Variants in AGT observed in about 807,000 individuals in gnomAD.
AGT encodes the protein angiotensinogen.
In AGT, 26 loss-of-function variants were observed where a neutral mutation model predicts 28.1. That is an observed-to-expected ratio of 0.92 (90% confidence interval 0.68 to 1.28). The LOEUF (loss-of-function observed/expected upper bound fraction) is 1.28. Among genes scored for constraint, AGT ranks in the 50% most tolerant of loss-of-function variants. The pLI is 0.00. For missense variants in AGT, 596 were observed against 592.3 expected, an observed-to-expected ratio of 1.01 and a Z score of -0.06; for synonymous variants, 259 against 259.6, an observed-to-expected ratio of 1.00 and a Z score of 0.02.
upstream of AGT, among the ~76,000 whole-genome samples, chr1:230,717,582 A>T (rs1663762809): frequency 6.6e-6 from 1 of 152,172 alleles, no homozygotes; most frequent in South Asian, 2.1e-4. Context: ...CTGGGATCAG[A>T]ACTGCAACCC....
At chr1:230,706,248 G>T (rs61762532) in intron 2 of AGT, 48 bp from the exon 3 acceptor site, 1 of 1,600,704 alleles carries the variant, frequency 6.2e-7, no homozygotes, top group Non-Finnish European at 8.5e-7. Flanking sequence ...CCAAGACAGG[G>T]GCAGGAATGA....
chr1:230,718,719 C>T (rs909071094), upstream of AGT, among the ~76,000 whole-genome samples: 3 of 138,088 alleles, frequency 2.2e-5, no homozygotes, highest in Non-Finnish European at 4.6e-5. Flanking sequence ...CAGTTCCACA[C>T]CGCTTTTTTT....
chr1:230,707,166 G>T (rs11568037), intron 2 of AGT, among the ~76,000 whole-genome samples: 154 of 152,324 alleles, frequency 1.0e-3, no homozygotes, highest in African/African-American at 3.7e-3. Context: ...GGGAGAGCCC[G>T]TTGTGGGAGA....
At chr1:230,737,441 A>G (rs1664176816) in intron 1 of AGT, among the ~76,000 whole-genome samples, 1 of 152,142 alleles carries the variant, frequency 6.6e-6, no homozygotes, top group South Asian at 2.1e-4. Context: ...CTTCCTGAGT[A>G]GCTGAGAATA....
intron 2 of AGT, 120 bp from the exon 3 acceptor site, chr1:230,706,320 G>C (rs1017130529): frequency 1.5e-5 from 17 of 1,149,356 alleles, no homozygotes; most frequent in South Asian, 1.1e-4. Context: ...TCCTTCCTTG[G>C]CCCCCCCCAG....
At chr1:230,706,912 C>A (rs1322870414) in intron 2 of AGT, among the ~76,000 whole-genome samples, 1 of 152,212 alleles carries the variant, frequency 6.6e-6, no homozygotes, top group Non-Finnish European at 1.5e-5. Context: ...CATGTCTAGC[C>A]CCAGCCATGG....
At chr1:230,708,086 C>G (rs1368900015) in intron 2 of AGT, among the ~76,000 whole-genome samples, 1 of 152,206 alleles carries the variant, frequency 6.6e-6, no homozygotes, top group Non-Finnish European at 1.5e-5. Flanking sequence ...CTGGACAGAC[C>G]ATGTGGGCAG....
chr1:230,731,027 C>G (rs1389576110), intron 1 of AGT, among the ~76,000 whole-genome samples: 1 of 152,208 alleles, frequency 6.6e-6, no homozygotes, highest in Non-Finnish European at 1.5e-5. Flanking sequence ...TAGCCTATCA[C>G]TAATCAATGT....
intron 1 of AGT, among the ~76,000 whole-genome samples, chr1:230,734,740 C>T (rs952567357): frequency 5.9e-5 from 9 of 151,954 alleles, no homozygotes; most frequent in African/African-American, 1.7e-4. Flanking sequence ...GATGGAGTCT[C>T]GCTCTGTCGC....
chr1:230,722,453 C>T (rs1369170730), intron 1 of AGT, among the ~76,000 whole-genome samples: 1 of 152,204 alleles, frequency 6.6e-6, no homozygotes, highest in Non-Finnish European at 1.5e-5. Flanking sequence ...TCCTCCAGAC[C>T]CCAGAATGGT....
intron 1 of AGT, among the ~76,000 whole-genome samples, chr1:230,711,909 C>T (rs934674545): frequency 2.6e-5 from 4 of 151,472 alleles, no homozygotes; most frequent in South Asian, 4.2e-4. Flanking sequence ...TCCAGCACCA[C>T]GTTCTCTCAA....
chr1:230,735,619 T>C (rs1217396491), intron 1 of AGT, among the ~76,000 whole-genome samples: 1 of 152,046 alleles, frequency 6.6e-6, no homozygotes, highest in Non-Finnish European at 1.5e-5. Flanking sequence ...AGTGCACTTG[T>C]CACCCTGCTC....
chr1:230,733,981 C>G (rs1298513204), intron 1 of AGT, among the ~76,000 whole-genome samples: 1 of 152,156 alleles, frequency 6.6e-6, no homozygotes, highest in East Asian at 1.9e-4. Flanking sequence ...AAGCCCAACT[C>G]AAGCTTCTTG....
At position 230,710,036 on chromosome 1, in the gene AGT, AC is replaced by A; in HGVS notation, c.787del (p.Val263TrpfsTer17). 6.2e-7 allele frequency: 1 copy of A among 1,614,098 alleles called. No individual in the cohort carries two copies. Among genetic ancestry groups the A allele is most frequent in the Non-Finnish European group, 8.5e-7 (1 of 1,179,976 alleles). On this transcript the variant is annotated frameshift_variant, in exon 2 of 5. Transcript: ENST00000366667. LOFTEE classifies it high-confidence loss of function. ...GGTGTTGAAAGCCAGGGTGCTGTCC[AC>A]ACTGGCTCCCATCAGGGAGCAGCCA... ...KTGCSLMGAS[V>X]DSTLAFNTYV...
intron 1 of AGT, among the ~76,000 whole-genome samples, chr1:230,743,432 G>A (rs968472147): frequency 2.6e-5 from 4 of 151,834 alleles, no homozygotes; most frequent in Admixed American, 6.6e-5. Flanking sequence ...CCAGCAGAAC[G>A]CCCTGACAGT....
intron 2 of AGT, among the ~76,000 whole-genome samples, chr1:230,708,770 C>T (rs1348368903): frequency 2.6e-5 from 4 of 152,150 alleles, no homozygotes; most frequent in Admixed American, 1.3e-4. Flanking sequence ...TGTGCCTGGA[C>T]TCTTGCGTAA....
intron 1 of AGT, among the ~76,000 whole-genome samples, chr1:230,726,639 T>A (rs959815123): frequency 6.6e-6 from 1 of 152,188 alleles, no homozygotes; most frequent in African/African-American, 2.4e-5. Context: ...CTTCATTACA[T>A]CCTTAATCAA....
intron 1 of AGT, among the ~76,000 whole-genome samples, chr1:230,734,023 A>G (rs370620671): frequency 1.3e-5 from 2 of 152,124 alleles, no homozygotes; most frequent in African/African-American, 2.4e-5. Flanking sequence ...AGGTTGGCAC[A>G]TGTATTTTCT....
intron 1 of AGT, among the ~76,000 whole-genome samples, chr1:230,728,548 G>C (rs1184209862): frequency 2.6e-5 from 4 of 152,156 alleles, no homozygotes; most frequent in African/African-American, 9.7e-5. Context: ...TATAATTTTC[G>C]CTAAGGAGGT....
Sources: allele counts gnomAD v4.1 joint callset (sites outside exome capture counted in the v4.1 genomes callset), GRCh38; gene constraint gnomAD v4.1.1; transcripts MANE v1.5; gene names NCBI Gene and HGNC (gene_info 2026-07-23, HGNC 2026-07-21).